RIC8B: variants seen among roughly 807,000 people sequenced by gnomAD.
RIC8B encodes the protein RIC8 guanine nucleotide exchange factor B, also known as chaperone Ric-8B.
RIC8B carries 16 observed loss-of-function variants against 57.5 expected under a neutral mutation model. The observed-to-expected ratio is 0.28, with a 90% CI of 0.19 to 0.42. The LOEUF is 0.42. Among genes scored for constraint, RIC8B ranks in the 10% least tolerant of loss-of-function variants. RIC8B has a pLI of 1.00. For missense variants in RIC8B, 481 were observed against 677.0 expected (o/e 0.71, Z 3.21); for synonymous variants, 216 against 250.8 (o/e 0.86, Z 1.31).
chr12:106,849,886 TG>T (rs946842160), intron 6 of RIC8B, among the ~76,000 whole-genome samples: 3 of 152,192 alleles, frequency 2.0e-5, no homozygotes, highest in Admixed American at 2.0e-4. Flanking sequence ...ATAATTTCTG[TG>T]ATTAAAGAAA....
intron 4 of RIC8B, among the ~76,000 whole-genome samples, chr12:106,837,319 G>A (rs1027151765): frequency 2.6e-5 from 4 of 151,756 alleles, no homozygotes; most frequent in South Asian, 2.1e-4. Flanking sequence ...CCAAGATGGC[G>A]CCATTGTACT....
intron 6 of RIC8B, among the ~76,000 whole-genome samples, chr12:106,848,176 GA>G (rs1426398958): frequency 6.6e-6 from 1 of 152,210 alleles, no homozygotes; most frequent in Non-Finnish European, 1.5e-5. Flanking sequence ...CAAGTTTCTA[GA>G]AAAAGAGTTT....
At position 106,814,855 on chromosome 12, in the gene RIC8B, C is replaced by T. The variant is rs1593181659; in HGVS notation, c.292C>T (p.Leu98=). The T allele has an allele frequency of 6.2e-7, 1 of 1,614,176 alleles. No individual in the cohort carries two copies. ...GCAGATACTGCTGCGACTAGCCAAG[C>T]TAAATGAGTTAGATGATTCTTTGGA... ...NMQILLRLAK[L]NELDDSLEKV... The change falls in exon 3 of 10, where the codon CTA becomes TTA. Residue 98 remains leucine, a synonymous_variant. Coordinates refer to ENST00000392837, the MANE Select transcript of RIC8B (RefSeq NM_001330145.2).
At chr12:106,864,427 C>T (rs1244173046) in intron 8 of RIC8B, among the ~76,000 whole-genome samples, 4 of 152,058 alleles carry the variant, frequency 2.6e-5, no homozygotes, top group Non-Finnish European at 5.9e-5. Flanking sequence ...TAATATGTGC[C>T]AGGCACTTTT....
intron 1 of RIC8B, among the ~76,000 whole-genome samples, chr12:106,776,969 C>A (rs907073480): frequency 6.6e-6 from 1 of 152,180 alleles, no homozygotes; most frequent in Admixed American, 6.5e-5. Flanking sequence ...CTCCTCCCCC[C>A]CACCGACCCT....
intron 1 of RIC8B, among the ~76,000 whole-genome samples, chr12:106,775,839 G>A (rs1466373340): frequency 6.6e-6 from 1 of 152,200 alleles, no homozygotes. Context: ...CCAACACCAA[G>A]TCACAACCTA....
rs550887638 is a variant in RIC8B, at chr12:106,884,855, A to G, written c.1572-1049A>G. On this transcript the variant is annotated intron_variant, in intron 9 of 9. Coordinates refer to ENST00000392837, the MANE Select transcript of RIC8B (RefSeq NM_001330145.2). The stretch of plus-strand genomic sequence containing the variant: ...CTTCTTTCTGTTGGCCTAAGGGACA[A>G]CTGTGAGGAGGGAGTCATTTCCCCT... Among the ~76,000 whole-genome samples, 20 of 152,234 alleles carry G rather than the reference A, an allele frequency of 1.3e-4. No homozygotes were observed. The South Asian group carries it at 3.7e-3, about 28-fold the overall frequency.
At chr12:106,858,180 G>A (rs376643804) in intron 7 of RIC8B, among the ~76,000 whole-genome samples, 18 of 151,846 alleles carry the variant, frequency 1.2e-4, no homozygotes, top group Middle Eastern at 3.4e-3. Context: ...TTAATTTTTC[G>A]CCATTTTGTG....
chr12:106,851,699 C>T, intron 7 of RIC8B, 105 bp downstream of exon 7: 1 of 987,296 alleles, frequency 1.0e-6, no homozygotes, highest in Non-Finnish European at 1.5e-6. Flanking sequence ...CTTTCCAAAG[C>T]TTACTGTCTG....
At chr12:106,795,440 A>G (rs1172687309) in intron 2 of RIC8B, among the ~76,000 whole-genome samples, 2 of 152,236 alleles carry the variant, frequency 1.3e-5, no homozygotes, top group South Asian at 2.1e-4. Context: ...AAAAGGAGCC[A>G]GCAGCGGATG....
intron 9 of RIC8B, among the ~76,000 whole-genome samples, chr12:106,881,659 G>T (rs1410005914): frequency 1.3e-5 from 2 of 152,108 alleles, no homozygotes; most frequent in Non-Finnish European, 2.9e-5. Flanking sequence ...AGATACAACA[G>T]ATTGCAAATG....
chr12:106,855,198 C>T (rs1383017811), intron 7 of RIC8B, among the ~76,000 whole-genome samples: 1 of 152,182 alleles, frequency 6.6e-6, no homozygotes, highest in Non-Finnish European at 1.5e-5. Context: ...CACATAGCCC[C>T]ACACCAATAA....
Position 106,783,579 on chromosome 12 carries a change from T to C in RIC8B, c.85-418T>C, listed in dbSNP as rs1296707146. Among the ~76,000 whole-genome samples the C allele has an allele frequency of 2.0e-5, 3 of 152,210 alleles. No individual in the cohort carries two copies. The East Asian group carries it at 5.8e-4, about 29-fold the overall frequency. On this transcript the variant is annotated intron_variant, in intron 1 of 9. Transcript: ENST00000392837. ...CTTCCTCCATGCCCCACCCCAAACG[T>C]ATGTCCTGTGTTCCAGTCTCACAAA...
chr12:106,833,327 C>T (rs1230230), intron 4 of RIC8B, among the ~76,000 whole-genome samples: 32,598 of 151,970 alleles, frequency 0.21, 3,998 homozygotes, highest in East Asian at 0.33. Context: ...ATCAGCTGGG[C>T]GTGGTGGCTC....
chr12:106,787,250 A>G (rs1325901942), intron 2 of RIC8B, among the ~76,000 whole-genome samples: 5 of 152,196 alleles, frequency 3.3e-5, no homozygotes, highest in Non-Finnish European at 7.3e-5. Flanking sequence ...ATCTTCATTA[A>G]TGGGAAAACA....
chr12:106,850,399 G>C (rs1286173670), intron 6 of RIC8B, among the ~76,000 whole-genome samples: 1 of 152,256 alleles, frequency 6.6e-6, no homozygotes, highest in East Asian at 1.9e-4. Flanking sequence ...AACAAAACAG[G>C]AATAGAAAAG....
chr12:106,800,963 C>G (rs1421229278), intron 2 of RIC8B, among the ~76,000 whole-genome samples: 1 of 152,152 alleles, frequency 6.6e-6, no homozygotes, highest in Non-Finnish European at 1.5e-5. Flanking sequence ...CAAACTATAG[C>G]TTGTGCTAAG....
chr12:106,818,403 A>T (rs1356101434), intron 3 of RIC8B, among the ~76,000 whole-genome samples: 1 of 151,834 alleles, frequency 6.6e-6, no homozygotes, highest in Non-Finnish European at 1.5e-5. Context: ...TGACCTCATG[A>T]TCCACCCGCC....
chr12:106,783,037 C>T (rs774244300), intron 1 of RIC8B, among the ~76,000 whole-genome samples: 6 of 152,186 alleles, frequency 3.9e-5, no homozygotes, highest in Non-Finnish European at 7.3e-5. Context: ...ATTGTTCTTT[C>T]TGTGATCATG....
Sources: allele counts gnomAD v4.1 joint callset (sites outside exome capture counted in the v4.1 genomes callset), GRCh38; gene constraint gnomAD v4.1.1; transcripts MANE v1.5; gene names NCBI Gene and HGNC (gene_info 2026-07-23, HGNC 2026-07-21).